Variants in HYDIN observed in about 807,000 individuals in gnomAD.
The protein encoded by HYDIN is HYDIN axonemal central pair apparatus protein.
A neutral mutation model predicts 403.9 loss-of-function variants in HYDIN; 132 were observed. That is an observed-to-expected ratio of 0.33 (90% confidence interval 0.28 to 0.38). The LOEUF (loss-of-function observed/expected upper bound fraction) is 0.38. Among genes scored for constraint, HYDIN ranks in the 10% least tolerant of loss-of-function variants. The probability of loss-of-function intolerance (pLI) is 1.00; values close to 1 mark genes in which losing one functional copy is unlikely to be tolerated. For synonymous variants in HYDIN, 1,202 were observed against 1,891.7 expected (o/e 0.64, Z 9.46); for missense variants, 2,827 against 5,009.5 (o/e 0.56, Z 13.15).
chr16:71,132,190 G>T (rs980885463), intron 8 of HYDIN: 1 of 62,498 alleles, frequency 1.6e-5, no homozygotes. Context: ...CAGAAAACAA[G>T]TCATTTAAGA....
chr16:71,096,489 G>A (rs1373139796), intron 10 of HYDIN, among the ~76,000 whole-genome samples: 3 of 152,128 alleles, frequency 2.0e-5, no homozygotes, highest in African/African-American at 7.2e-5. Flanking sequence ...GTGTGTGTGT[G>A]TGTGTTCTTT....
intron 1 of HYDIN, among the ~76,000 whole-genome samples, chr16:71,226,090 C>T (rs1392372385): frequency 1.3e-5 from 2 of 152,226 alleles, no homozygotes; most frequent in East Asian, 1.9e-4. Flanking sequence ...GGTAAAGGAA[C>T]CAATGTTGCC....
chr16:71,046,955 GA>G (rs2081470731), intron 18 of HYDIN, among the ~76,000 whole-genome samples: 1 of 151,758 alleles, frequency 6.6e-6, no homozygotes, highest in Non-Finnish European at 1.5e-5. Flanking sequence ...TAATGGGGAA[GA>G]AACATAAATT....
At chr16:70,880,153 G>A (rs1354824336) in intron 60 of HYDIN, among the ~76,000 whole-genome samples, 2 of 104,578 alleles carry the variant, frequency 1.9e-5, no homozygotes, top group East Asian at 4.5e-4. Context: ...CGACCTCCTG[G>A]ACCCAGGCAA....
At chr16:71,059,554 C>A (rs2082013352) in intron 18 of HYDIN, among the ~76,000 whole-genome samples, 1 of 151,628 alleles carries the variant, frequency 6.6e-6, no homozygotes, top group Non-Finnish European at 1.5e-5. Flanking sequence ...AGGCCATTAT[C>A]CTAAGCAAAT....
chr16:71,214,089 A>G (rs1338857038), intron 1 of HYDIN, among the ~76,000 whole-genome samples: 2 of 152,134 alleles, frequency 1.3e-5, no homozygotes, highest in Admixed American at 1.3e-4. Flanking sequence ...CTAAATATAA[A>G]ATAAATATAT....
intron 45 of HYDIN, among the ~76,000 whole-genome samples, chr16:70,926,354 T>G (rs1325764457): frequency 6.6e-6 from 1 of 151,534 alleles, no homozygotes; most frequent in East Asian, 1.9e-4. Flanking sequence ...AGTAAACTAT[T>G]GCAAGGACAA....
intron 7 of HYDIN, among the ~76,000 whole-genome samples, chr16:71,149,927 C>T (rs1374622960): frequency 6.7e-6 from 1 of 149,372 alleles, no homozygotes; most frequent in Non-Finnish European, 1.5e-5. Flanking sequence ...TAGTCTAGTG[C>T]CAAGGCTAGC....
chr16:70,842,811 T>G (rs115846895), intron 75 of HYDIN, among the ~76,000 whole-genome samples: 2,313 of 152,118 alleles, frequency 0.015, 75 homozygotes, highest in African/African-American at 0.054. Flanking sequence ...TAGTCAATTA[T>G]GTCTTTTTTA....
chr16:70,841,733 C>T (rs1429709577), intron 75 of HYDIN, among the ~76,000 whole-genome samples: 5 of 152,076 alleles, frequency 3.3e-5, no homozygotes, highest in African/African-American at 4.8e-5. Context: ...GCCCCACCCC[C>T]GACCTTTCTT....
chr16:70,807,373 T>G lies in HYDIN; in HGVS notation c.*207A>C. On this transcript the variant is annotated 3_prime_UTR_variant, in exon 86 of 86. Coordinates refer to ENST00000393567, the MANE Select transcript of HYDIN (RefSeq NM_001270974.2). ...CACAAGGATTCAGTTGTCTAAAATATAGAGCTGTTGTGTGTAGTTATAATG... is the reference window on the plus strand; with the variant it reads ...CACAAGGATTCAGTTGTCTAAAATAGAGAGCTGTTGTGTGTAGTTATAATG... 1.8e-6 allele frequency: 1 copy of G among 545,742 alleles called. No individual in the cohort carries two copies. Among genetic ancestry groups the G allele is most frequent in the East Asian group, 3.1e-5 (1 of 31,980 alleles). The allele number at this position is 545,742 out of a possible 1,614,324, so 33.8% of individuals were successfully genotyped here.
chr16:70,912,935 C>T (rs2076734580), intron 47 of HYDIN, among the ~76,000 whole-genome samples: 1 of 148,670 alleles, frequency 6.7e-6, no homozygotes, highest in South Asian at 2.2e-4. Context: ...TTCATAGTAG[C>T]CTTGAATGAT....
intron 17 of HYDIN, among the ~76,000 whole-genome samples, chr16:71,061,376 C>A (rs1040163129): frequency 6.6e-6 from 1 of 152,182 alleles, no homozygotes; most frequent in South Asian, 2.1e-4. Context: ...TAGTGTTTTA[C>A]GCTGTCTAAG....
At chr16:70,958,395 G>T (rs1307295323) in intron 39 of HYDIN, among the ~76,000 whole-genome samples, 1 of 152,226 alleles carries the variant, frequency 6.6e-6, no homozygotes, top group Admixed American at 6.5e-5. Flanking sequence ...CTGCAGATGA[G>T]AAGTGACTGA....
At chr16:71,023,823 T>G (rs1290192563) in intron 21 of HYDIN, among the ~76,000 whole-genome samples, 1 of 149,924 alleles carries the variant, frequency 6.7e-6, no homozygotes, top group East Asian at 1.9e-4. Flanking sequence ...TTTGTTTTAA[T>G]GAACAAAATA....
At chr16:71,193,266 A>G (rs2087525848) in intron 1 of HYDIN, among the ~76,000 whole-genome samples, 1 of 152,218 alleles carries the variant, frequency 6.6e-6, no homozygotes. Context: ...AACACTTCTC[A>G]GAGGAACTAT....
At chr16:70,869,969 G>C (rs1461497110) in intron 65 of HYDIN, among the ~76,000 whole-genome samples, 2 of 149,504 alleles carry the variant, frequency 1.3e-5, no homozygotes, top group Non-Finnish European at 3.0e-5. Flanking sequence ...TCCAGGCTGA[G>C]ATGATTCCTG....
chr16:70,961,612 G>C (rs7189607), intron 38 of HYDIN, among the ~76,000 whole-genome samples: 2,875 of 152,188 alleles, frequency 0.019, 92 homozygotes, highest in African/African-American at 0.064. Context: ...TGGCCCAACT[G>C]GGGGGACACT....
At chr16:71,194,026 A>G (rs566741660) in intron 1 of HYDIN, among the ~76,000 whole-genome samples, 1 of 152,366 alleles carries the variant, frequency 6.6e-6, no homozygotes, top group South Asian at 2.1e-4. Flanking sequence ...TGCCTCTTCT[A>G]TTTACACATG....
Sources: gnomAD v4.1 joint callset for allele counts (sites outside exome capture counted in the v4.1 genomes callset) on GRCh38, gnomAD v4.1.1 for gene constraint, MANE v1.5 for transcripts, NCBI Gene and HGNC (gene_info 2026-07-23, HGNC 2026-07-21) for gene names.